Variants in RNF38 observed in about 807,000 individuals in gnomAD.
The protein encoded by RNF38 is ring finger protein 38.
RNF38 carries 15 observed loss-of-function variants against 67.2 expected under a neutral mutation model. The observed-to-expected ratio is 0.22, with a 90% CI of 0.15 to 0.34. The LOEUF (loss-of-function observed/expected upper bound fraction) is 0.34. Among genes scored for constraint, RNF38 ranks in the 10% least tolerant of loss-of-function variants. The probability of loss-of-function intolerance (pLI) is 1.00; values close to 1 mark genes in which losing one functional copy is unlikely to be tolerated. For missense variants in RNF38, 524 were observed against 639.9 expected, an observed-to-expected ratio of 0.82 and a Z score of 1.95; for synonymous variants, 220 against 218.8, an observed-to-expected ratio of 1.01 and a Z score of -0.05.
intron 1 of RNF38, among the ~76,000 whole-genome samples, chr9:36,427,159 T>C (rs1838793172): frequency 6.6e-6 from 1 of 152,244 alleles, no homozygotes; most frequent in South Asian, 2.1e-4. Context: ...TCTTTTCATC[T>C]TCCAGCATGC....
At chr9:36,358,022 T>G in intron 4 of RNF38, 80 bp from the exon 5 acceptor site, 1 of 1,135,782 alleles carries the variant, frequency 8.8e-7, no homozygotes, top group Non-Finnish European at 1.3e-6. Context: ...TTTGGTCATT[T>G]ATTGGCTCCT....
chr9:36,351,696 C>T (rs961116470), intron 8 of RNF38, among the ~76,000 whole-genome samples: 52 of 152,286 alleles, frequency 3.4e-4, no homozygotes, highest in African/African-American at 1.1e-3. Flanking sequence ...AACGTAAGCA[C>T]GTGGCCTTCT....
intron 1 of RNF38, among the ~76,000 whole-genome samples, chr9:36,445,568 A>T (rs561692466): frequency 8.1e-4 from 123 of 152,184 alleles, no homozygotes; most frequent in Non-Finnish European, 1.5e-3. Context: ...AATAAATTGG[A>T]GTTGGGATGA....
intron 1 of RNF38, among the ~76,000 whole-genome samples, chr9:36,474,836 C>G (rs1840085608): frequency 6.8e-6 from 1 of 147,798 alleles, no homozygotes; most frequent in South Asian, 2.2e-4. Flanking sequence ...ATCAAAGGAA[C>G]AGAGGTAGAA....
At chr9:36,436,739 C>A (rs763362358) in intron 1 of RNF38, among the ~76,000 whole-genome samples, 89 of 143,736 alleles carry the variant, frequency 6.2e-4, no homozygotes, top group South Asian at 2.3e-4. Flanking sequence ...AGGAGAATGG[C>A]GTGGACCCGG....
chr9:36,339,727 A>C lies in RNF38; in HGVS notation c.*25T>G, dbSNP rs1324764946. ...TATACATGTGATGAGGAACACCCAA[A>C]CTAAATTTGTGCTTCTTAGGTTGGT... On this transcript the variant is annotated 3_prime_UTR_variant, in exon 12 of 12. Transcript: ENST00000259605. 1 of 1,597,334 alleles carries C rather than the reference A, an allele frequency of 6.3e-7. No individual in the cohort carries two copies. The highest frequency in any genetic ancestry group is 1.1e-5 in the South Asian group (1 of 89,822).
rs774743994 is a variant in RNF38, at chr9:36,386,203, A to C, written c.162+4264T>G. Among the ~76,000 whole-genome samples, 85 of 152,204 alleles carry C rather than the reference A, an allele frequency of 5.6e-4. 1 individual carries two copies. Among genetic ancestry groups the C allele is most frequent in the Non-Finnish European group, 1.9e-4 (13 of 68,028 alleles). On this transcript the variant is annotated intron_variant, in intron 2 of 11. Transcript: ENST00000259605. ...TAATACCAACACAGAGGTCTCTGACAGAGCTATTTCTTTCTAATAGGATTT... is the reference window on the plus strand; with the variant it reads ...TAATACCAACACAGAGGTCTCTGACCGAGCTATTTCTTTCTAATAGGATTT...
intron 4 of RNF38, among the ~76,000 whole-genome samples, chr9:36,366,666 C>T (rs1362535309): frequency 6.6e-6 from 1 of 152,178 alleles, no homozygotes; most frequent in Non-Finnish European, 1.5e-5. Flanking sequence ...CTGGCTTGGC[C>T]TACTGAATAG....
intron 1 of RNF38, among the ~76,000 whole-genome samples, chr9:36,459,261 G>A (rs556326350): frequency 6.6e-6 from 1 of 151,444 alleles, no homozygotes; most frequent in Admixed American, 6.6e-5. Context: ...ACACTGAAAA[G>A]ACTGGGAAAG....
chr9:36,435,599 G>C (rs968202702), intron 1 of RNF38, among the ~76,000 whole-genome samples: 3 of 151,530 alleles, frequency 2.0e-5, no homozygotes, highest in Non-Finnish European at 4.4e-5. Flanking sequence ...GACACTGAAC[G>C]TGCCTTGGCC....
chr9:36,421,120 A>G (rs959853372), intron 2 of RNF38, among the ~76,000 whole-genome samples: 19 of 152,254 alleles, frequency 1.2e-4, no homozygotes, highest in Admixed American at 9.8e-4. Flanking sequence ...GAGAAAACTT[A>G]TAAGAAAAAT....
At chr9:36,478,257 A>C (rs1241275055) in intron 1 of RNF38, among the ~76,000 whole-genome samples, 2 of 151,344 alleles carry the variant, frequency 1.3e-5, no homozygotes, top group Non-Finnish European at 2.9e-5. Flanking sequence ...ACAAAAAATT[A>C]CCCGGGCGTG....
In RNF38 at chr9:36,477,922, G is replaced by A. The variant is rs530093234; in HGVS notation, n.241+9386C>T. Among the ~76,000 whole-genome samples, 3 of 152,082 alleles carry A rather than the reference G, an allele frequency of 2.0e-5. No individual in the cohort carries two copies. In the East Asian group the frequency reaches 5.8e-4, roughly 29 times the overall value. On this transcript the variant is annotated intron_variant and non_coding_transcript_variant, in intron 1 of 3. Transcript: ENST00000488058. ...GTGGAAGGACTGCTTGAGCCTGGGAGATGGAAGCTGCAGTGAGCTATGATT... is the reference window on the plus strand; with the variant it reads ...GTGGAAGGACTGCTTGAGCCTGGGAAATGGAAGCTGCAGTGAGCTATGATT...
chr9:36,352,072 G>C (rs1345900776), intron 8 of RNF38, among the ~76,000 whole-genome samples: 1 of 152,160 alleles, frequency 6.6e-6, no homozygotes, highest in Non-Finnish European at 1.5e-5. Context: ...GGGTAAGATG[G>C]GCGGATCACC....
intron 1 of RNF38, chr9:36,487,206 TC>T: frequency 1.4e-6 from 1 of 737,206 alleles, no homozygotes; most frequent in Non-Finnish European, 1.7e-6. Context: ...ACAACGCTCC[TC>T]CCCGTCGGCG....
rs374649423 is a variant in RNF38 at position 36,369,888 on chromosome 9, C to T, written c.401G>A (p.Arg134Gln). 11 of 1,613,324 alleles carry T rather than the reference C, an allele frequency of 6.8e-6. No homozygotes were observed. In the East Asian group the frequency reaches 1.6e-4, roughly 23 times the overall value. Residue 134 changes from arginine to glutamine, a missense_variant, in exon 4 of 12, where the codon CGA becomes CAA. Arg to Gln is a conservative substitution (Grantham distance 43). Transcript: ENST00000259605. The part of the protein sequence containing the change: ...RQRGRRDRLS[R>Q]HNSISQDENY... ...TTCATCTTGACTAATGGAATTATGT[C>T]GAGACAGACGATCCCTTCTTCCTCT...
chr9:36,350,540 T>A (rs1454933429), intron 9 of RNF38, among the ~76,000 whole-genome samples: 1 of 152,248 alleles, frequency 6.6e-6, no homozygotes, highest in Admixed American at 6.5e-5. Flanking sequence ...TGTCTAGCCC[T>A]TCTCTGCCTA....
chr9:36,459,825 T>G (rs1839685195), intron 1 of RNF38, among the ~76,000 whole-genome samples: 1 of 152,022 alleles, frequency 6.6e-6, no homozygotes, highest in Non-Finnish European at 1.5e-5. Flanking sequence ...TAACTGATTT[T>G]AGTGTTTTCC....
rs556566462 is a variant in RNF38 at position 36,337,511 on chromosome 9, T to C, written c.*2241A>G. The C allele has an allele frequency of 6.5e-6, 1 of 152,780 alleles. No homozygotes were observed. The highest frequency in any genetic ancestry group is 1.9e-4 in the East Asian group (1 of 5,188). 9.5% of individuals were successfully genotyped at this position (152,780 alleles called of 1,614,324 possible). On this transcript the variant is annotated 3_prime_UTR_variant, in exon 12 of 12. Coordinates refer to ENST00000259605, the MANE Select transcript of RNF38 (RefSeq NM_022781.5). ...GTGCTGTGTTAATTAGATACCTCTA[T>C]ATAAATTAGAAAAAGTGCTTTACTT...
Sources: gnomAD v4.1 joint callset for allele counts (sites outside exome capture counted in the v4.1 genomes callset) on GRCh38, gnomAD v4.1.1 for gene constraint, MANE v1.5 for transcripts, NCBI Gene and HGNC (gene_info 2026-07-23, HGNC 2026-07-21) for gene names.